Variants in GALNT17 observed in about 807,000 individuals in gnomAD.
GALNT17 encodes UDP-GalNAc:polypeptide N-acetylgalactosaminyltransferase-like 3.
GALNT17 carries 29 observed loss-of-function variants against 63.7 expected under a neutral mutation model. The ratio of observed to expected loss-of-function variants is 0.46; its 90% CI spans 0.34 to 0.62. The LOEUF is 0.62. Among genes scored for constraint, GALNT17 ranks in the 20% least tolerant of loss-of-function variants. The probability of loss-of-function intolerance (pLI) is 0.01; values close to 1 mark genes in which losing one functional copy is unlikely to be tolerated. For synonymous variants in GALNT17, 305 were observed against 318.3 expected, an observed-to-expected ratio of 0.96 and a Z score of 0.45; for missense variants, 603 against 799.6, an observed-to-expected ratio of 0.75 and a Z score of 2.97.
chr7:71,432,157 A>G (rs1786878553), intron 5 of GALNT17, among the ~76,000 whole-genome samples: 1 of 152,058 alleles, frequency 6.6e-6, no homozygotes, highest in South Asian at 2.1e-4. Flanking sequence ...CCTGGGCAAC[A>G]GAGCAAGACT....
At chr7:71,254,887 G>T (rs575229089) in intron 1 of GALNT17, among the ~76,000 whole-genome samples, 1 of 152,342 alleles carries the variant, frequency 6.6e-6, no homozygotes, top group Admixed American at 6.5e-5. Flanking sequence ...ACATCTTGTT[G>T]TCTGTCTGAG....
intron 1 of GALNT17, among the ~76,000 whole-genome samples, chr7:71,157,575 T>G (rs1156487376): frequency 2.0e-5 from 3 of 151,726 alleles, no homozygotes; most frequent in African/African-American, 7.3e-5. Context: ...AGAGAATTGC[T>G]TGAACTGGGG....
At chr7:71,510,240 C>T (rs902658495) in intron 5 of GALNT17, among the ~76,000 whole-genome samples, 1 of 152,172 alleles carries the variant, frequency 6.6e-6, no homozygotes, top group Non-Finnish European at 1.5e-5. Context: ...AGCCACTGCA[C>T]CTGGCCCCTG....
intron 1 of GALNT17, among the ~76,000 whole-genome samples, chr7:71,309,700 C>T (rs1478524312): frequency 6.6e-6 from 1 of 151,972 alleles, no homozygotes; most frequent in Non-Finnish European, 1.5e-5. Flanking sequence ...TTAAGGAATT[C>T]CCATAATAAA....
intron 9 of GALNT17, among the ~76,000 whole-genome samples, chr7:71,704,691 A>C (rs1791698070): frequency 6.6e-6 from 1 of 152,190 alleles, no homozygotes; most frequent in South Asian, 2.1e-4. Flanking sequence ...AAGGAATCAC[A>C]TTTAGAGTCT....
chr7:71,200,394 G>GAC (rs1789144314), intron 1 of GALNT17, among the ~76,000 whole-genome samples: 1 of 152,080 alleles, frequency 6.6e-6, no homozygotes, highest in Non-Finnish European at 1.5e-5. Flanking sequence ...GGGATCCTTT[G>GAC]ACCAGACACA....
chr7:71,335,860 T>A, intron 2 of GALNT17, 127 bp downstream of exon 2: 1 of 839,144 alleles, frequency 1.2e-6, no homozygotes, highest in Non-Finnish European at 1.6e-6. Flanking sequence ...GTTTCCTCTT[T>A]AATAAATAAA....
rs187774853 is a variant in GALNT17 at position 71,636,415 on chromosome 7, T to C, written c.1081-28996T>C. 3.3e-5 allele frequency among the ~76,000 whole-genome samples: 5 copies of C among 151,916 alleles called. No individual in the cohort carries two copies. In the East Asian group the frequency reaches 5.8e-4, roughly 18 times the overall value. ...AAGGAGGATGGACAGATCCAACACATAGGGGAAGGGCCACATCTCCCCTGT... is the reference window on the plus strand; with the variant it reads ...AAGGAGGATGGACAGATCCAACACACAGGGGAAGGGCCACATCTCCCCTGT... On this transcript the variant is annotated intron_variant, in intron 6 of 10. Transcript: ENST00000333538.
intron 2 of GALNT17, among the ~76,000 whole-genome samples, chr7:71,339,610 A>C (rs905902091): frequency 1.3e-5 from 2 of 152,050 alleles, no homozygotes; most frequent in Non-Finnish European, 2.9e-5. Flanking sequence ...GAATGGCTTG[A>C]AACTGTTAGG....
At chr7:71,161,954 T>C (rs1192137325) in intron 1 of GALNT17, among the ~76,000 whole-genome samples, 2 of 147,332 alleles carry the variant, frequency 1.4e-5, no homozygotes, top group Admixed American at 6.8e-5. Context: ...TCCCCTCCCC[T>C]TTTCTTTTTC....
intron 2 of GALNT17, among the ~76,000 whole-genome samples, chr7:71,339,436 T>C (rs4719114): frequency 0.65 from 99,356 of 152,078 alleles, 32,884 homozygotes; most frequent in African/African-American, 0.76. Context: ...CCTGTAATCC[T>C]GGCACTTTGG....
intron 1 of GALNT17, among the ~76,000 whole-genome samples, chr7:71,180,018 T>C (rs1024697683): frequency 6.6e-6 from 1 of 152,230 alleles, no homozygotes; most frequent in African/African-American, 2.4e-5. Flanking sequence ...TTTATTGAGG[T>C]ATAATTGATA....
At chr7:71,533,703 A>T (rs1361711490) in intron 5 of GALNT17, among the ~76,000 whole-genome samples, 1 of 152,172 alleles carries the variant, frequency 6.6e-6, no homozygotes, top group East Asian at 1.9e-4. Flanking sequence ...GAATACCTAG[A>T]GGTTTGGCCT....
chr7:71,471,398 C>T (rs1265222660), intron 5 of GALNT17, among the ~76,000 whole-genome samples: 7 of 125,514 alleles, frequency 5.6e-5, no homozygotes, highest in Admixed American at 8.0e-5. Context: ...TTTTTTTTTT[C>T]CAAAAAAAAA....
chr7:71,147,655 G>A (rs749603287), intron 1 of GALNT17, among the ~76,000 whole-genome samples: 66 of 150,462 alleles, frequency 4.4e-4, no homozygotes, highest in Non-Finnish European at 6.8e-4. Context: ...TTTTTTAGAC[G>A]GAGTCTCACT....
chr7:71,563,456 C>T (rs1225469496), intron 5 of GALNT17, among the ~76,000 whole-genome samples: 1 of 152,180 alleles, frequency 6.6e-6, no homozygotes, highest in Non-Finnish European at 1.5e-5. Context: ...GACTGCCCCT[C>T]CCCAGTCAGA....
intron 1 of GALNT17, among the ~76,000 whole-genome samples, chr7:71,329,926 T>G (rs1791775366): frequency 7.2e-6 from 1 of 139,342 alleles, no homozygotes; most frequent in African/African-American, 2.6e-5. Flanking sequence ...TATGTGTGTG[T>G]GTGTGTATAT....
chr7:71,530,538 ATTTATTTATTTATTTAT>A (rs1788700820), intron 5 of GALNT17, among the ~76,000 whole-genome samples: 2 of 1,350 alleles, frequency 1.5e-3, no homozygotes, highest in Non-Finnish European at 6.3e-3. Context: ...AGGTACAAGA[ATTTATTTATTTATTTAT>A]TTATTTATTT....
chr7:71,286,767 TTTTG>T (rs1790881828), intron 1 of GALNT17, among the ~76,000 whole-genome samples: 1 of 150,706 alleles, frequency 6.6e-6, no homozygotes, highest in Non-Finnish European at 1.5e-5. Context: ...TTTTTTCTTT[TTTTG>T]TTTGTTATGT....
Sources: allele counts gnomAD v4.1 joint callset (sites outside exome capture counted in the v4.1 genomes callset), GRCh38; gene constraint gnomAD v4.1.1; transcripts MANE v1.5; gene names NCBI Gene and HGNC (gene_info 2026-07-23, HGNC 2026-07-21).